TBX2: variants seen among roughly 807,000 people sequenced by gnomAD.
TBX2 encodes T-box transcription factor 2, also known as T-box transcription factor TBX2.
A neutral mutation model predicts 48.4 loss-of-function variants in TBX2; 19 were observed. The observed-to-expected ratio is 0.39, with a 90% CI of 0.27 to 0.58. The LOEUF is 0.58. Ranked by LOEUF, TBX2 falls within the 20% of genes least tolerant of loss-of-function variation. The probability of loss-of-function intolerance (pLI) is 0.54; values close to 1 mark genes in which losing one functional copy is unlikely to be tolerated. For missense variants in TBX2, 994 were observed against 1,006.5 expected (o/e 0.99, Z 0.17); for synonymous variants, 522 against 459.7 (o/e 1.14, Z -1.73).
chr17:61,399,994 C>A lies in TBX2; in HGVS notation c.-183C>A. The A allele has an allele frequency of 5.7e-6, 1 of 176,494 alleles. No homozygotes were observed. The highest frequency in any genetic ancestry group is 1.8e-4 in the South Asian group (1 of 5,562). The allele number at this position is 176,494 out of a possible 1,614,324, so 10.9% of individuals were successfully genotyped here. On this transcript the variant is annotated 5_prime_UTR_variant, in exon 1 of 7. Coordinates refer to ENST00000240328, the MANE Select transcript of TBX2 (RefSeq NM_005994.4). This position sits in a 1 kb window ranked among gnomAD's most constrained non-coding sequence, Gnocchi z 4.7. ...GCCCGGCCCCGCGCAGAGCCCCCGC[C>A]GCCCCCGCGCACAGAGCCGGGTGCC...
chr17:61,403,751 G>C lies in TBX2; in HGVS notation c.810+544G>C, dbSNP rs986283249. The stretch of plus-strand genomic sequence containing the variant: ...CTTAGAGAATTACCTTCCAATCAAA[G>C]GGCTTTTTCTGCTTGCGGCTTCTCC... On this transcript the variant is annotated intron_variant, in intron 3 of 6. Coordinates refer to ENST00000240328, the MANE Select transcript of TBX2 (RefSeq NM_005994.4). This position sits in a 1 kb window ranked among gnomAD's most constrained non-coding sequence, Gnocchi z 5.8. Among the ~76,000 whole-genome samples the C allele has an allele frequency of 6.6e-6, 1 of 151,994 alleles. No homozygotes were observed. Among genetic ancestry groups the C allele is most frequent in the Non-Finnish European group, 1.5e-5 (1 of 68,002 alleles).
At position 61,403,685 on chromosome 17, in the gene TBX2, C is replaced by T. The variant is rs1165569682; in HGVS notation, c.810+478C>T. Among the ~76,000 whole-genome samples the T allele has an allele frequency of 2.0e-5, 3 of 152,066 alleles. No homozygotes were observed. Among genetic ancestry groups the T allele is most frequent in the Non-Finnish European group, 2.9e-5 (2 of 68,020 alleles). On this transcript the variant is annotated intron_variant, in intron 3 of 6. Coordinates refer to ENST00000240328, the MANE Select transcript of TBX2 (RefSeq NM_005994.4). The surrounding 1 kb of genome is among the most constrained non-coding windows in gnomAD (Gnocchi z 5.8). Reference sequence around the variant, plus strand: ...CAGCCCCCCAAAGCACTCCTGGCTACTGCTCTGGGTCAGTCTAGGCCCCAG... The same window carrying T: ...CAGCCCCCCAAAGCACTCCTGGCTATTGCTCTGGGTCAGTCTAGGCCCCAG...
chr17:61,401,696 C>G lies in TBX2; in HGVS notation c.408C>G (p.Pro136=). 6.2e-7 allele frequency: 1 copy of G among 1,612,148 alleles called. No individual in the cohort carries two copies. The highest frequency in any genetic ancestry group is 1.7e-4 in the Middle Eastern group (1 of 6,056). Reference sequence around the variant, plus strand: ...CCCTCCCTCCCAGGCGGATGTTCCCCCCCTTCAAGGTGCGAGTCAGCGGCC... The same window carrying G: ...CCCTCCCTCCCAGGCGGATGTTCCCGCCCTTCAAGGTGCGAGTCAGCGGCC... ...VITKSGRRMF[P]PFKVRVSGLD... Residue 136 remains proline (P), a synonymous_variant, in exon 2 of 7, where the codon CCC becomes CCG. Coordinates refer to ENST00000240328, the MANE Select transcript of TBX2 (RefSeq NM_005994.4).
rs752017906 is a variant in TBX2, at chr17:61,408,197, C to T, written c.1830C>T (p.Pro610=). 6.2e-7 allele frequency: 1 copy of T among 1,612,898 alleles called. No individual in the cohort carries two copies. The highest frequency in any genetic ancestry group is 8.5e-7 in the Non-Finnish European group (1 of 1,179,888). ...AAAAGSLSRS[P]FLGSARPRLR... The stretch of plus-strand genomic sequence containing the variant: ...CCGCCGGCTCCCTCTCCCGGAGCCC[C>T]TTCCTGGGCAGTGCCCGGCCCCGAC... The change falls in exon 7 of 7, where the codon CCC becomes CCT. Residue 610 remains proline, a synonymous_variant. Coordinates refer to ENST00000240328, the MANE Select transcript of TBX2 (RefSeq NM_005994.4).
Position 61,400,314 on chromosome 17 carries a change from C to T in TBX2, c.138C>T (p.Gly46=). 1.9e-6 allele frequency: 2 copies of T among 1,074,466 alleles called. No individual in the cohort carries two copies. The highest frequency in any genetic ancestry group is 2.3e-6 in the Non-Finnish European group (2 of 878,080). 66.6% of individuals were successfully genotyped at this position (1,074,466 alleles called of 1,614,324 possible). ...TCCCGGCACTCGCGCTGCCGCCCGG[C>T]GCGCTGGCCAAGCCGCTGCCCGACC... The part of the protein sequence containing the change: ...SFFPALALPP[G]ALAKPLPDPG... Residue 46 remains glycine (G), a synonymous_variant, in exon 1 of 7, where the codon GGC becomes GGT. Coordinates refer to ENST00000240328, the MANE Select transcript of TBX2 (RefSeq NM_005994.4). The surrounding 1 kb of genome is among the most constrained non-coding windows in gnomAD (Gnocchi z 9.2).
chr17:61,405,843 C>T lies in TBX2; in HGVS notation c.1686+7C>T. 1 of 1,300,938 alleles carries T rather than the reference C, an allele frequency of 7.7e-7. No individual in the cohort carries two copies. Among genetic ancestry groups the T allele is most frequent in the Non-Finnish European group, 9.7e-7 (1 of 1,030,744 alleles). The allele number at this position is 1,300,938 out of a possible 1,614,324, so 80.6% of individuals were successfully genotyped here. On this transcript the variant is annotated splice_region_variant and intron_variant, in intron 6 of 6. Transcript: ENST00000240328. The stretch of plus-strand genomic sequence containing the variant: ...GCACATGCTGGCATCTCAGGTAAGG[C>T]CTGTGACCCCGCGGCAGCGCCAGCG...
At position 61,408,131 on chromosome 17, in the gene TBX2, G is replaced by A. The variant is rs1239664579; in HGVS notation, c.1764G>A (p.Ser588=). The A allele has an allele frequency of 1.5e-5, 24 of 1,609,448 alleles. No homozygotes were observed. The highest frequency in any genetic ancestry group is 2.0e-5 in the Non-Finnish European group (23 of 1,178,502). ...TYMAAAAAAA[S]ALPATSAAAA... is the part of the protein sequence containing the mutation. ...TGGCAGCAGCAGCCGCAGCCGCCTC[G>A]GCTTTGCCCGCCACTAGTGCTGCAG... is the stretch of plus-strand genomic sequence containing the variant. The change falls in exon 7 of 7, where the codon TCG becomes TCA. Residue 588 remains serine, a synonymous_variant. Coordinates refer to ENST00000240328, the MANE Select transcript of TBX2 (RefSeq NM_005994.4).
rs1487409336 is a variant in TBX2, at chr17:61,405,224, G to C, written c.1074G>C (p.Ala358=). The C allele has an allele frequency of 9.0e-6, 14 of 1,556,510 alleles. No homozygotes were observed. The South Asian group carries it at 1.4e-4, about 16-fold the overall frequency. ...RARAEEKSCA[A]DSDPEPERLS... ...CAGCTGAGGAGAAGTCGTGCGCCGC[G>C]GACAGCGACCCGGAGCCTGAGCGGT... Residue 358 remains alanine, a synonymous_variant, in exon 6 of 7, where the codon GCG becomes GCC. Coordinates refer to ENST00000240328, the MANE Select transcript of TBX2 (RefSeq NM_005994.4).
At position 61,405,499 on chromosome 17, in the gene TBX2, T is replaced by C; in HGVS notation, c.1349T>C (p.Leu450Pro). The change falls in exon 6 of 7, where the codon CTG becomes CCG. Residue 450 changes from leucine to proline, a missense_variant. Transcript: ENST00000240328. ...AEGKEQGLAP[L>P]VVQTDSASPL... ...GGCAAGGAGCAGGGCCTGGCGCCGCTGGTGGTGCAGACAGACAGTGCGTCC... is the reference window on the plus strand; with the variant it reads ...GGCAAGGAGCAGGGCCTGGCGCCGCCGGTGGTGCAGACAGACAGTGCGTCC... 1 of 1,582,880 alleles carries C rather than the reference T, an allele frequency of 6.3e-7. No individual in the cohort carries two copies. Among genetic ancestry groups the C allele is most frequent in the African/African-American group, 1.3e-5 (1 of 74,634 alleles).
Position 61,400,100 on chromosome 17 carries a change from G to T in TBX2, c.-77G>T, listed in dbSNP as rs2060257168. 3 of 845,322 alleles carry T rather than the reference G, an allele frequency of 3.5e-6. No homozygotes were observed. Among genetic ancestry groups the T allele is most frequent in the Non-Finnish European group, 4.3e-6 (3 of 704,950 alleles). 52.4% of individuals were successfully genotyped at this position (845,322 alleles called of 1,614,324 possible). ...GGGTCGTCCGTCCACCGCGCGCGCC[G>T]CCGCCCGGGCCGGGGGTCCGAGCCG... On this transcript the variant is annotated 5_prime_UTR_variant, in exon 1 of 7. Transcript: ENST00000240328. This position sits in a 1 kb window ranked among gnomAD's most constrained non-coding sequence, Gnocchi z 9.2.
chr17:61,402,927 C>A (rs1004981774), intron 2 of TBX2, 134 bp from the exon 3 acceptor site: 21 of 323,726 alleles, frequency 6.5e-5, no homozygotes, highest in Middle Eastern at 5.6e-4. Context: ...GAGGAAGAAC[C>A]GATAGAGAGA....
At position 61,400,362 on chromosome 17, in the gene TBX2, C is replaced by CGCG. The variant is rs539663160; in HGVS notation, c.201_203dup (p.Ala71dup). The CGCG allele has an allele frequency of 1.2e-3, 1,265 of 1,033,824 alleles. 10 individuals carry two copies. The African/African-American group carries it at 0.019, about 15-fold the overall frequency. 64.0% of individuals were successfully genotyped at this position (1,033,824 alleles called of 1,614,324 possible). On this transcript the variant is annotated inframe_insertion, in exon 1 of 7. Transcript: ENST00000240328. This position sits in a 1 kb window ranked among gnomAD's most constrained non-coding sequence, Gnocchi z 9.2. Reference sequence around the variant, plus strand: ...ACCCGGGCCTGGCGGGGGCGGCGGCCGCGGCGGCGGCGGCGGCAGCAGCGG... The same window carrying CGCG: ...ACCCGGGCCTGGCGGGGGCGGCGGCCGCGGCGGCGGCGGCGGCGGCAGCAGCGG...
Position 61,408,549 on chromosome 17 carries a change from T to A in TBX2, c.*43T>A. On this transcript the variant is annotated 3_prime_UTR_variant, in exon 7 of 7. Coordinates refer to ENST00000240328, the MANE Select transcript of TBX2 (RefSeq NM_005994.4). ...CCCCTGCCACGCAGGCCACCCGGGCTGCCTGCCCCTGCTGCTTGGGACGTG... is the reference window on the plus strand; with the variant it reads ...CCCCTGCCACGCAGGCCACCCGGGCAGCCTGCCCCTGCTGCTTGGGACGTG... 1 of 1,417,092 alleles carries A rather than the reference T, an allele frequency of 7.1e-7. No individual in the cohort carries two copies. Among genetic ancestry groups the A allele is most frequent in the South Asian group, 1.5e-5 (1 of 65,906 alleles). The allele number at this position is 1,417,092 out of a possible 1,614,324, so 87.8% of individuals were successfully genotyped here. A position where few individuals can be genotyped will look rare whatever the true frequency, so the allele number is the denominator to read the frequency against.
In TBX2 at chr17:61,403,093, G is replaced by A; in HGVS notation, c.696G>A (p.Pro232=). 3 of 1,613,372 alleles carry A rather than the reference G, an allele frequency of 1.9e-6. No homozygotes were observed. The highest frequency in any genetic ancestry group is 2.5e-6 in the Non-Finnish European group (3 of 1,179,958). The change falls in exon 3 of 7, where the codon CCG becomes CCA. Residue 232 remains proline (P), a synonymous_variant. Coordinates refer to ENST00000240328, the MANE Select transcript of TBX2 (RefSeq NM_005994.4). This position sits in a 1 kb window ranked among gnomAD's most constrained non-coding sequence, Gnocchi z 5.8. ...TAAACTCCATGCACAAGTACCAGCC[G>A]CGCTTCCACATAGTGCGAGCCAACG... The part of the protein sequence containing the change: ...TILNSMHKYQ[P]RFHIVRANDI...
chr17:61,404,819 C>T, intron 5 of TBX2, 50 bp downstream of exon 5: 2 of 1,533,106 alleles, frequency 1.3e-6, no homozygotes, highest in Non-Finnish European at 1.7e-6. Flanking sequence ...GGGGGGTCCT[C>T]AGGTCGCTGG....
chr17:61,408,539 C>A lies in TBX2; in HGVS notation c.*33C>A. ...CCCAGCTGCTCCCCTGCCACGCAGG[C>A]CACCCGGGCTGCCTGCCCCTGCTGC... On this transcript the variant is annotated 3_prime_UTR_variant, in exon 7 of 7. Coordinates refer to ENST00000240328, the MANE Select transcript of TBX2 (RefSeq NM_005994.4). 7.0e-7 allele frequency: 1 copy of A among 1,426,720 alleles called. No homozygotes were observed. 88.4% of individuals were successfully genotyped at this position (1,426,720 alleles called of 1,614,324 possible).
chr17:61,401,992 T>C (rs1466725297), intron 2 of TBX2, 41 bp downstream of exon 2: 1 of 1,548,798 alleles, frequency 6.5e-7, no homozygotes, highest in African/African-American at 1.4e-5. Context: ...AGGAGCTTGT[T>C]GACCCAGCAC....
Position 61,403,120 on chromosome 17 carries a change from C to T in TBX2, c.723C>T (p.Asp241=). The change falls in exon 3 of 7, where the codon GAC becomes GAT. Residue 241 remains aspartate (D), a synonymous_variant. Coordinates refer to ENST00000240328, the MANE Select transcript of TBX2 (RefSeq NM_005994.4). This position sits in a 1 kb window ranked among gnomAD's most constrained non-coding sequence, Gnocchi z 5.8. ...GCTTCCACATAGTGCGAGCCAACGA[C>T]ATCCTGAAGCTGCCTTACAGCACCT... The part of the protein sequence containing the change: ...QPRFHIVRAN[D]ILKLPYSTFR... 2 of 1,613,872 alleles carry T rather than the reference C, an allele frequency of 1.2e-6. No individual in the cohort carries two copies. Among genetic ancestry groups the T allele is most frequent in the East Asian group, 2.2e-5 (1 of 44,876 alleles).
chr17:61,405,844 C>CTG lies in TBX2; in HGVS notation c.1686+11_1686+12dup. On this transcript the variant is annotated intron_variant, in intron 6 of 6. Transcript: ENST00000240328. The stretch of plus-strand genomic sequence containing the variant: ...CACATGCTGGCATCTCAGGTAAGGC[C>CTG]TGTGACCCCGCGGCAGCGCCAGCGA... 1 of 1,300,712 alleles carries CTG rather than the reference C, an allele frequency of 7.7e-7. No individual in the cohort carries two copies. The highest frequency in any genetic ancestry group is 9.7e-7 in the Non-Finnish European group (1 of 1,030,608). 80.6% of individuals were successfully genotyped at this position (1,300,712 alleles called of 1,614,324 possible).
Sources: gnomAD v4.1 joint callset for allele counts (sites outside exome capture counted in the v4.1 genomes callset) on GRCh38, gnomAD v4.1.1 for gene constraint, Gnocchi (gnomAD v3.1) non-coding constraint, MANE v1.5 for transcripts, NCBI Gene and HGNC (gene_info 2026-07-23, HGNC 2026-07-21) for gene names.